The following COLEC10 variants were observed in gnomAD, a reference collection of about 807,000 sequenced individuals.
COLEC10 encodes collectin-10.
A neutral mutation model predicts 28.4 loss-of-function variants in COLEC10; 22 were observed. That is an observed-to-expected ratio of 0.78 (90% CI 0.55 to 1.11). The LOEUF (loss-of-function observed/expected upper bound fraction) is 1.11. Among genes scored for constraint, COLEC10 ranks in the 50% least tolerant of loss-of-function variants. COLEC10 has a pLI of 0.00. For synonymous variants in COLEC10, 125 were observed against 116.1 expected, an observed-to-expected ratio of 1.08 and a Z score of -0.49; for missense variants, 361 against 344.1, an observed-to-expected ratio of 1.05 and a Z score of -0.39.
intron 1 of COLEC10, among the ~76,000 whole-genome samples, chr8:118,999,275 A>G (rs995376531): frequency 6.6e-6 from 1 of 152,182 alleles, no homozygotes; most frequent in Non-Finnish European, 1.5e-5. Flanking sequence ...GAAATGGCTG[A>G]GGACTAAGCC....
upstream of COLEC10, among the ~76,000 whole-genome samples, chr8:118,993,893 T>A (rs1813546850): frequency 6.6e-6 from 1 of 152,128 alleles, no homozygotes; most frequent in South Asian, 2.1e-4. Context: ...GGGGCCCTGG[T>A]TAAAGATGAA....
chr8:119,024,910 C>T (rs150229510), intron 2 of COLEC10, among the ~76,000 whole-genome samples: 60 of 152,180 alleles, frequency 3.9e-4, no homozygotes, highest in East Asian at 1.9e-3. Flanking sequence ...ATTTAGTTCT[C>T]GTATGACTCT....
chr8:118,966,673 T>A, the COLEC10 span, among the ~76,000 whole-genome samples: 20 of 149,248 alleles, frequency 1.3e-4, no homozygotes, highest in African/African-American at 4.5e-4. Flanking sequence ...ATGAAAATGT[T>A]CCATGTTTTT....
chr8:119,083,012 T>G (rs1270878851), intron 1 of COLEC10, among the ~76,000 whole-genome samples: 1 of 152,164 alleles, frequency 6.6e-6, no homozygotes, highest in Admixed American at 6.5e-5. Flanking sequence ...AAGGAACCTC[T>G]CATAATCATT....
chr8:119,085,596 CTTCTT>C (rs1815461865), intron 1 of COLEC10, among the ~76,000 whole-genome samples: 2 of 81,574 alleles, frequency 2.5e-5, no homozygotes, highest in African/African-American at 1.1e-4. Context: ...CTTTCTTCTT[CTTCTT>C]TTTTTTTTTT....
chr8:119,029,110 G>A (rs1411451134), intron 2 of COLEC10, among the ~76,000 whole-genome samples: 1 of 152,158 alleles, frequency 6.6e-6, no homozygotes, highest in Non-Finnish European at 1.5e-5. Flanking sequence ...TAGCTGCGGG[G>A]AGTCATGCCA....
intron 1 of COLEC10, among the ~76,000 whole-genome samples, chr8:119,005,725 T>C (rs1813782558): frequency 6.6e-6 from 1 of 152,142 alleles, no homozygotes; most frequent in South Asian, 2.1e-4. Context: ...AGATTACTCA[T>C]AGATCAGAAA....
intron 1 of COLEC10, among the ~76,000 whole-genome samples, chr8:119,076,643 T>C (rs967486849): frequency 6.6e-6 from 1 of 152,242 alleles, no homozygotes; most frequent in Non-Finnish European, 1.5e-5. Flanking sequence ...ATTTATTTGA[T>C]GCTGCCCAGG....
At chr8:118,989,534 TAC>T in the COLEC10 span, among the ~76,000 whole-genome samples, 42,576 of 128,402 alleles carry the variant, frequency 0.33, 6,874 homozygotes, top group Middle Eastern at 0.45. Flanking sequence ...ACAGACAAAA[TAC>T]ACACACACAC....
chr8:119,069,555 A>G (rs1271374874), intron 1 of COLEC10, among the ~76,000 whole-genome samples: 2 of 140,440 alleles, frequency 1.4e-5, no homozygotes, highest in Admixed American at 1.5e-4. Flanking sequence ...TGCATGGGCC[A>G]TGATCATGCC....
At chr8:119,036,779 G>A (rs1309088921) in intron 2 of COLEC10, among the ~76,000 whole-genome samples, 1 of 152,176 alleles carries the variant, frequency 6.6e-6, no homozygotes, top group African/African-American at 2.4e-5. Context: ...AGACACAGGG[G>A]AAACCCAAGG....
At chr8:118,991,091 TTTGACAAATTA>T (rs1405339239), upstream of COLEC10, among the ~76,000 whole-genome samples, 1 of 152,166 alleles carries the variant, frequency 6.6e-6, no homozygotes, top group East Asian at 1.9e-4. Context: ...TTAATTTTAT[TTTGACAAATTA>T]TTAATCATAT....
At chr8:118,971,474 A>G in the COLEC10 span, among the ~76,000 whole-genome samples, 1 of 151,942 alleles carries the variant, frequency 6.6e-6, no homozygotes, top group Admixed American at 6.6e-5. Context: ...ATCTTCCTCA[A>G]TATAGCCTAA....
the COLEC10 span, among the ~76,000 whole-genome samples, chr8:118,977,089 G>A: frequency 6.6e-6 from 1 of 150,504 alleles, no homozygotes; most frequent in African/African-American, 2.4e-5. Context: ...TCATTCAAAA[G>A]TCAGGAAACA....
rs1287759184 is a variant in COLEC10 at position 119,007,081 on chromosome 8, C to G, written n.123-2360C>G. Among the ~76,000 whole-genome samples the G allele has an allele frequency of 2.6e-5, 4 of 152,016 alleles. No individual in the cohort carries two copies. The East Asian group carries it at 7.7e-4, about 29-fold the overall frequency. On this transcript the variant is annotated intron_variant and non_coding_transcript_variant, in intron 1 of 6. Coordinates refer to the COLEC10 transcript ENST00000521788. ...AGTGGAGGACTCAAAGATGGCAAAA[C>G]TATAAGCTGGAAACAGCTGTTTACT...
At chr8:118,987,817 T>C in the COLEC10 span, among the ~76,000 whole-genome samples, 1 of 152,154 alleles carries the variant, frequency 6.6e-6, no homozygotes, top group African/African-American at 2.4e-5. Flanking sequence ...TTTAAAAATC[T>C]TCGATGTGTT....
chr8:118,970,217 A>G, the COLEC10 span, among the ~76,000 whole-genome samples: 4 of 152,084 alleles, frequency 2.6e-5, no homozygotes, highest in African/African-American at 7.2e-5. Context: ...ATAAGTAGCC[A>G]TAATCCTATT....
chr8:119,039,727 G>C (rs1814458544), intron 2 of COLEC10, among the ~76,000 whole-genome samples: 1 of 152,120 alleles, frequency 6.6e-6, no homozygotes, highest in Non-Finnish European at 1.5e-5. Context: ...TGCCTTGTCT[G>C]GTTTCTAGAA....
chr8:119,063,727 T>G (rs1814900274), upstream of COLEC10, among the ~76,000 whole-genome samples: 1 of 138,192 alleles, frequency 7.2e-6, no homozygotes, highest in Non-Finnish European at 1.5e-5. Flanking sequence ...CACAATTCAA[T>G]TCACAAAAAA....
Sources: allele counts gnomAD v4.1 joint callset (sites outside exome capture counted in the v4.1 genomes callset), GRCh38; gene constraint gnomAD v4.1.1; transcripts MANE v1.5; gene names NCBI Gene and HGNC (gene_info 2026-07-23, HGNC 2026-07-21).